Variants in PALLD observed in about 807,000 individuals in gnomAD.
PALLD encodes palladin, cytoskeletal associated protein, also known as palladin.
PALLD carries 61 observed loss-of-function variants against 123.5 expected under a neutral mutation model. The observed-to-expected ratio is 0.49, with a 90% confidence interval of 0.40 to 0.61. The LOEUF (loss-of-function observed/expected upper bound fraction) is 0.61. Among genes scored for constraint, PALLD ranks in the 20% least tolerant of loss-of-function variants. The pLI, the probability that PALLD is intolerant of heterozygous loss-of-function variation, is 0.00. For missense variants in PALLD, 1,273 were observed against 1,377.0 expected (o/e 0.92, Z 1.20); for synonymous variants, 465 against 496.4 (o/e 0.94, Z 0.84).
intron 18 of PALLD, among the ~76,000 whole-genome samples, chr4:168,922,553 C>A (rs113326442): frequency 0.017 from 2,621 of 152,230 alleles, 62 homozygotes; most frequent in African/African-American, 0.044. Context: ...AAACACACTA[C>A]GTCACTGAGC....
chr4:168,631,721 C>G, intron 2 of PALLD: 6 of 985,492 alleles, frequency 6.1e-6, no homozygotes, highest in Non-Finnish European at 6.0e-6. Flanking sequence ...CTCTCGAGCG[C>G]AGCAGGCAAG....
At chr4:168,656,460 G>A (rs557488132) in intron 2 of PALLD, among the ~76,000 whole-genome samples, 5 of 151,794 alleles carry the variant, frequency 3.3e-5, no homozygotes, top group Admixed American at 2.6e-4. Context: ...TTTCCTTCAC[G>A]TATTGTGAAA....
At chr4:168,831,967 C>T in intron 10 of PALLD, 6 of 981,892 alleles carry the variant, frequency 6.1e-6, no homozygotes, top group Non-Finnish European at 7.3e-6. Context: ...AGCTGCGAGC[C>T]ACGCCTCCTC....
At chr4:168,882,044 A>G (rs1400339871) in intron 10 of PALLD, among the ~76,000 whole-genome samples, 3 of 152,214 alleles carry the variant, frequency 2.0e-5, no homozygotes, top group South Asian at 2.1e-4. Flanking sequence ...CAGTGCCACA[A>G]TGTTGTATGC....
chr4:168,534,855 T>C (rs1241673689), intron 2 of PALLD, among the ~76,000 whole-genome samples: 1 of 152,216 alleles, frequency 6.6e-6, no homozygotes, highest in African/African-American at 2.4e-5. Context: ...CTGTCTTTTA[T>C]CGCATTACCC....
chr4:168,598,777 TA>T, intron 2 of PALLD: 1 of 373,022 alleles, frequency 2.7e-6, no homozygotes, highest in Non-Finnish European at 5.5e-6. Context: ...ACACTGTTGG[TA>T]AATCCAAAGC....
chr4:168,728,910 G>T (rs1050762562), intron 10 of PALLD, among the ~76,000 whole-genome samples: 4 of 152,144 alleles, frequency 2.6e-5, no homozygotes, highest in Admixed American at 6.5e-5. Flanking sequence ...TTATGCCTTT[G>T]TGGATGCCTT....
chr4:168,730,287 T>C (rs1787028898), intron 10 of PALLD, among the ~76,000 whole-genome samples: 1 of 152,176 alleles, frequency 6.6e-6, no homozygotes, highest in Non-Finnish European at 1.5e-5. Context: ...GCTATTGTAT[T>C]TTTAATTTCC....
chr4:168,845,695 G>T (rs1746739920), intron 10 of PALLD, among the ~76,000 whole-genome samples: 1 of 152,182 alleles, frequency 6.6e-6, no homozygotes, highest in East Asian at 1.9e-4. Context: ...CACGAGACAG[G>T]TTGTTAGAGT....
chr4:168,838,460 G>C (rs745356794), intron 10 of PALLD, among the ~76,000 whole-genome samples: 2 of 151,958 alleles, frequency 1.3e-5, no homozygotes, highest in Non-Finnish European at 2.9e-5. Flanking sequence ...AGCGAGGGTC[G>C]GGGAGGGAGT....
chr4:168,723,194 A>G (rs887129568), intron 10 of PALLD, among the ~76,000 whole-genome samples: 1 of 152,202 alleles, frequency 6.6e-6, no homozygotes, highest in Non-Finnish European at 1.5e-5. Context: ...CAGAAAACCA[A>G]ATGCTAAATA....
At chr4:168,598,020 C>G (rs1443728893) in intron 2 of PALLD, among the ~76,000 whole-genome samples, 2 of 151,998 alleles carry the variant, frequency 1.3e-5, no homozygotes, top group African/African-American at 2.4e-5. Flanking sequence ...AATCCAAGAG[C>G]CTATTTACTA....
At chr4:168,898,808 A>G (rs1020171907) in intron 14 of PALLD, 94 bp downstream of exon 14, 1 of 826,596 alleles carries the variant, frequency 1.2e-6, no homozygotes, top group Middle Eastern at 2.2e-4. Flanking sequence ...AGAGATACAA[A>G]TGATCTTTCT....
At chr4:168,806,174 G>A (rs2150711002) in intron 10 of PALLD, among the ~76,000 whole-genome samples, 1 of 152,240 alleles carries the variant, frequency 6.6e-6, no homozygotes, top group South Asian at 2.1e-4. Context: ...TGATTTTCCT[G>A]CCTCATCAGC....
At chr4:168,587,882 G>C (rs1771001241) in intron 2 of PALLD, among the ~76,000 whole-genome samples, 2 of 152,092 alleles carry the variant, frequency 1.3e-5, no homozygotes, top group South Asian at 4.1e-4. Flanking sequence ...GGGGGGTGCA[G>C]GGGAGATTCA....
intron 17 of PALLD, among the ~76,000 whole-genome samples, chr4:168,921,185 C>T (rs1761410904): frequency 6.6e-6 from 1 of 152,018 alleles, no homozygotes. Context: ...GCAGGCGGAT[C>T]ACCTGAGGTC....
chr4:168,648,329 GA>G (rs1347339984), intron 2 of PALLD: 2 of 152,082 alleles, frequency 1.3e-5, no homozygotes, highest in South Asian at 2.1e-4. Flanking sequence ...CAACTTGAGA[GA>G]GAAAAAGTAG....
intron 10 of PALLD, among the ~76,000 whole-genome samples, chr4:168,796,776 A>T (rs1206310799): frequency 6.6e-6 from 1 of 152,226 alleles, no homozygotes; most frequent in African/African-American, 2.4e-5. Context: ...GTTTGATCAA[A>T]TTGAGGGGAT....
rs527661763 is a variant in PALLD, at chr4:168,719,226, C to T, written c.1964+7303C>T. On this transcript the variant is annotated intron_variant, in intron 10 of 21. Transcript: ENST00000505667. Reference sequence around the variant, plus strand: ...CAGCCACCAGTCTAAGTTTCAATGACCTAAGTAATTATCAAAAGTAATCTT... The same window carrying T: ...CAGCCACCAGTCTAAGTTTCAATGATCTAAGTAATTATCAAAAGTAATCTT... 1.6e-3 allele frequency among the ~76,000 whole-genome samples: 240 copies of T among 146,222 alleles called. 1 individual carries two copies. Among genetic ancestry groups the T allele is most frequent in the Admixed American group, 2.7e-3 (38 of 14,332 alleles).
Sources: allele counts gnomAD v4.1 joint callset (sites outside exome capture counted in the v4.1 genomes callset), GRCh38; gene constraint gnomAD v4.1.1; transcripts MANE v1.5; gene names NCBI Gene and HGNC (gene_info 2026-07-23, HGNC 2026-07-21).